CATSPERB: variants seen among roughly 807,000 people sequenced by gnomAD.
The protein encoded by CATSPERB is catsper channel auxiliary subunit beta, also known as cation channel sperm-associated auxiliary subunit beta.
In CATSPERB, 93 loss-of-function variants were observed where a neutral mutation model predicts 128.3. That is an observed-to-expected ratio of 0.72 (90% CI 0.61 to 0.86). The LOEUF (loss-of-function observed/expected upper bound fraction) is 0.86. Among genes scored for constraint, CATSPERB ranks in the 40% least tolerant of loss-of-function variants. CATSPERB has a pLI of 0.00. For synonymous variants in CATSPERB, 381 were observed against 448.8 expected, an observed-to-expected ratio of 0.85 and a Z score of 1.91; for missense variants, 1,153 against 1,329.5, an observed-to-expected ratio of 0.87 and a Z score of 2.06.
In CATSPERB at chr14:91,599,558, A is replaced by AAAT. The variant is rs142533758; in HGVS notation, c.2710-7557_2710-7556insATT. On this transcript the variant is annotated intron_variant, in intron 22 of 26. Coordinates refer to ENST00000256343, the MANE Select transcript of CATSPERB (RefSeq NM_024764.4). ...TGGGCGGCAGAGCAAAAAAAAAAAA[A>AAAT]AAGAAAGTTTATTTTTATTTTGCCA... Among the ~76,000 whole-genome samples, 61 of 151,222 alleles carry AAAT rather than the reference A, an allele frequency of 4.0e-4. No homozygotes were observed. In the East Asian group the frequency reaches 0.012, roughly 29 times the overall value.
chr14:91,724,249 C>T (rs941066921), intron 3 of CATSPERB, among the ~76,000 whole-genome samples: 3 of 152,050 alleles, frequency 2.0e-5, no homozygotes, highest in African/African-American at 7.2e-5. Flanking sequence ...GTAACCTGCC[C>T]CAGGACACAC....
chr14:91,699,196 C>T (rs1566734800), intron 7 of CATSPERB, among the ~76,000 whole-genome samples: 1 of 152,126 alleles, frequency 6.6e-6, no homozygotes, highest in Non-Finnish European at 1.5e-5. Flanking sequence ...CATATAATGA[C>T]TTCTTTTCCT....
At chr14:91,669,669 CAATA>C in intron 14 of CATSPERB, 141 bp downstream of exon 14, 1 of 770,502 alleles carries the variant, frequency 1.3e-6, no homozygotes. Flanking sequence ...GCTTAGTATA[CAATA>C]AATAGTCAAT....
chr14:91,714,431 C>A (rs1351838372), intron 5 of CATSPERB, among the ~76,000 whole-genome samples: 3 of 151,410 alleles, frequency 2.0e-5, no homozygotes, highest in Non-Finnish European at 4.4e-5. Flanking sequence ...GTGAATTTAA[C>A]AAGATTGCAG....
At chr14:91,724,474 T>C (rs758216252) in intron 3 of CATSPERB, among the ~76,000 whole-genome samples, 21 of 152,368 alleles carry the variant, frequency 1.4e-4, no homozygotes, top group Non-Finnish European at 2.6e-4. Flanking sequence ...GGCTTAGGAA[T>C]ACATGCATTT....
intron 11 of CATSPERB, among the ~76,000 whole-genome samples, chr14:91,676,741 C>T (rs889087929): frequency 2.6e-5 from 4 of 151,990 alleles, no homozygotes; most frequent in African/African-American, 4.8e-5. Flanking sequence ...TGGTATGGAA[C>T]CAAAAAAGAG....
chr14:91,699,280 A>ACTGT, intron 7 of CATSPERB, among the ~76,000 whole-genome samples: 1 of 152,162 alleles, frequency 6.6e-6, no homozygotes, highest in Non-Finnish European at 1.5e-5. Flanking sequence ...GAATCTCCAC[A>ACTGT]CTGTTTTTCA....
At chr14:91,707,992 G>T in intron 6 of CATSPERB, 149 bp downstream of exon 6, 2 of 631,140 alleles carry the variant, frequency 3.2e-6, no homozygotes, top group South Asian at 1.9e-5. Context: ...CTATCAGATT[G>T]TGAGTGCCTC....
intron 14 of CATSPERB, among the ~76,000 whole-genome samples, chr14:91,665,583 A>G (rs1360956455): frequency 1.3e-5 from 2 of 152,260 alleles, no homozygotes; most frequent in Non-Finnish European, 2.9e-5. Flanking sequence ...TTTTAAACTG[A>G]TATTGGCTGG....
chr14:91,676,194 A>G (rs1000145551), intron 11 of CATSPERB, among the ~76,000 whole-genome samples: 2 of 152,162 alleles, frequency 1.3e-5, no homozygotes, highest in African/African-American at 2.4e-5. Flanking sequence ...CTGTGTGGCA[A>G]AATTTACACA....
At chr14:91,729,977 G>A (rs1369882043) in intron 1 of CATSPERB, among the ~76,000 whole-genome samples, 1 of 152,098 alleles carries the variant, frequency 6.6e-6, no homozygotes, top group Non-Finnish European at 1.5e-5. Context: ...GAGGGATGAG[G>A]TAAGGCACCC....
At chr14:91,602,653 AAAC>A (rs1180549784) in intron 22 of CATSPERB, among the ~76,000 whole-genome samples, 1 of 152,142 alleles carries the variant, frequency 6.6e-6, no homozygotes, top group African/African-American at 2.4e-5. Context: ...GTACAAAAAA[AAAC>A]AAAAATAAAA....
At chr14:91,604,263 C>A (rs2402044) in intron 22 of CATSPERB, 483,515 of 638,646 alleles carry the variant, frequency 0.76, 185,466 homozygotes, top group East Asian at 0.97. Context: ...CCCTCCATCA[C>A]ATTGACTGGA....
At chr14:91,606,043 G>C (rs1406321372) in intron 22 of CATSPERB, among the ~76,000 whole-genome samples, 1 of 151,994 alleles carries the variant, frequency 6.6e-6, no homozygotes, top group African/African-American at 2.4e-5. Flanking sequence ...GGGTGTGGTG[G>C]TGGGTGCCTG....
chr14:91,584,945 A>T (rs1021324617), intron 26 of CATSPERB, among the ~76,000 whole-genome samples: 1 of 152,120 alleles, frequency 6.6e-6, no homozygotes, highest in Non-Finnish European at 1.5e-5. Flanking sequence ...ATGTAAACTT[A>T]CGTCTTCACC....
intron 17 of CATSPERB, among the ~76,000 whole-genome samples, chr14:91,628,247 C>A (rs537270789): frequency 1.3e-5 from 2 of 152,266 alleles, no homozygotes; most frequent in East Asian, 3.9e-4. Context: ...GCTGCACCTA[C>A]AGGCACACAC....
chr14:91,597,825 ACC>A (rs1355872606), intron 22 of CATSPERB, among the ~76,000 whole-genome samples: 1 of 152,104 alleles, frequency 6.6e-6, no homozygotes, highest in African/African-American at 2.4e-5. Context: ...TCCTTTTTAG[ACC>A]CAGGAGTTAA....
At chr14:91,629,458 A>ACAT (rs1241115574) in intron 17 of CATSPERB, among the ~76,000 whole-genome samples, 4 of 152,204 alleles carry the variant, frequency 2.6e-5, no homozygotes, top group Non-Finnish European at 5.9e-5. Context: ...TTATCATTAT[A>ACAT]CATTTGTTCA....
At chr14:91,649,922 A>G (rs1235802875) in intron 15 of CATSPERB, among the ~76,000 whole-genome samples, 1 of 152,116 alleles carries the variant, frequency 6.6e-6, no homozygotes, top group Non-Finnish European at 1.5e-5. Flanking sequence ...AATCACATGT[A>G]GTCAGGCTTT....
Sources: allele counts gnomAD v4.1 joint callset (sites outside exome capture counted in the v4.1 genomes callset), GRCh38; gene constraint gnomAD v4.1.1; transcripts MANE v1.5; gene names NCBI Gene and HGNC (gene_info 2026-07-23, HGNC 2026-07-21).